Variants in ASTN2 observed in about 807,000 individuals in gnomAD.
ASTN2 encodes astrotactin 2.
In ASTN2, 54 loss-of-function variants were observed where a neutral mutation model predicts 139.8. The observed-to-expected ratio is 0.39, with a 90% CI of 0.31 to 0.48. ASTN2 has a LOEUF of 0.48. Among genes scored for constraint, ASTN2 ranks in the 20% least tolerant of loss-of-function variants. The pLI is 0.95. For missense variants in ASTN2, 1,565 were observed against 1,725.1 expected (o/e 0.91, Z 1.64); for synonymous variants, 756 against 719.5 (o/e 1.05, Z -0.81).
intron 2 of ASTN2, among the ~76,000 whole-genome samples, chr9:117,244,100 T>C (rs535167727): frequency 6.6e-6 from 1 of 152,282 alleles, no homozygotes; most frequent in South Asian, 2.1e-4. Context: ...CTTCACACAC[T>C]CATGCTCTCT....
intron 20 of ASTN2, among the ~76,000 whole-genome samples, chr9:116,475,913 T>C (rs117794649): frequency 5.3e-5 from 8 of 152,302 alleles, no homozygotes; most frequent in East Asian, 3.9e-4. Context: ...TGCTGCAGCG[T>C]TGTCTCTCGT....
intron 19 of ASTN2, among the ~76,000 whole-genome samples, chr9:116,501,970 C>T (rs1849871796): frequency 6.6e-6 from 1 of 151,992 alleles, no homozygotes. Flanking sequence ...GCATATCCCC[C>T]TCCCCACTCC....
rs1214846966 is a variant in ASTN2 at position 116,423,619 on chromosome 9, C to A, written c.*2232G>T. Among the ~76,000 whole-genome samples, 2 of 152,116 alleles carry A rather than the reference C, an allele frequency of 1.3e-5. No homozygotes were observed. The highest frequency in any genetic ancestry group is 2.9e-5 in the Non-Finnish European group (2 of 68,020). ...CCCAGGAAGTGGTATACATGAGAGG[C>A]ATTTAGAAGCTCCACCTGTATACTT... On this transcript the variant is annotated 3_prime_UTR_variant, in exon 23 of 23. Transcript: ENST00000313400.
chr9:117,269,821 T>C (rs1587895819), intron 2 of ASTN2, among the ~76,000 whole-genome samples: 1 of 152,334 alleles, frequency 6.6e-6, no homozygotes, highest in East Asian at 1.9e-4. Flanking sequence ...GCACTTAAAG[T>C]TGAACCAAGG....
At chr9:116,947,432 C>T (rs937244720) in intron 10 of ASTN2, among the ~76,000 whole-genome samples, 6 of 152,162 alleles carry the variant, frequency 3.9e-5, no homozygotes, top group Non-Finnish European at 8.8e-5. Flanking sequence ...GTGTAAACAA[C>T]TTTGATTTTC....
chr9:117,179,530 G>A (rs189416485), intron 3 of ASTN2, among the ~76,000 whole-genome samples: 2 of 152,284 alleles, frequency 1.3e-5, no homozygotes, highest in South Asian at 2.1e-4. Flanking sequence ...GAAGGGATTA[G>A]CAATATTCTT....
chr9:117,182,326 G>GACACAGAC (rs1554787971), intron 3 of ASTN2, among the ~76,000 whole-genome samples: 1 of 149,184 alleles, frequency 6.7e-6, no homozygotes, highest in Admixed American at 6.7e-5. Context: ...CACAGACACA[G>GACACAGAC]ACACACACAC....
intron 16 of ASTN2, among the ~76,000 whole-genome samples, chr9:116,652,309 G>A (rs906216996): frequency 1.3e-5 from 2 of 152,144 alleles, no homozygotes; most frequent in Non-Finnish European, 2.9e-5. Context: ...CTGGGCAAGA[G>A]AGCGAGATTC....
In ASTN2 at chr9:117,203,263, T is replaced by C. The variant is rs1831790692; in HGVS notation, c.1015+11095A>G. On this transcript the variant is annotated intron_variant, in intron 3 of 22. Transcript: ENST00000313400. ...ACCTCTTCTCAAGATTCTTAGCTTC[T>C]TTGCATTGTGTTAGAACATGCTCCT... is the stretch of plus-strand genomic sequence containing the variant. Among the ~76,000 whole-genome samples, 3 of 152,082 alleles carry C rather than the reference T, an allele frequency of 2.0e-5. 1 individual carries two copies. The highest frequency in any genetic ancestry group is 2.0e-4 in the Admixed American group (3 of 15,276).
At chr9:116,832,627 T>TTTC (rs1019405494) in intron 11 of ASTN2, among the ~76,000 whole-genome samples, 1 of 152,100 alleles carries the variant, frequency 6.6e-6, no homozygotes, top group South Asian at 2.1e-4. Flanking sequence ...TGATGTGATT[T>TTTC]TTCTTCTTCT....
chr9:116,865,506 G>A (rs2132344041), intron 10 of ASTN2, among the ~76,000 whole-genome samples: 1 of 149,804 alleles, frequency 6.7e-6, no homozygotes, highest in South Asian at 2.1e-4. Flanking sequence ...GATCTACAGT[G>A]CGGGTCTAAA....
chr9:116,746,668 T>A (rs1161664149), intron 13 of ASTN2, among the ~76,000 whole-genome samples: 3 of 152,194 alleles, frequency 2.0e-5, no homozygotes, highest in Admixed American at 6.5e-5. Context: ...TATTTTCAGT[T>A]TTCTTTTTCC....
At chr9:117,201,403 G>T (rs988861743) in intron 3 of ASTN2, among the ~76,000 whole-genome samples, 1 of 150,526 alleles carries the variant, frequency 6.6e-6, no homozygotes, top group Non-Finnish European at 1.5e-5. Flanking sequence ...TTTGCTCTTG[G>T]CTCTCTAGCT....
intron 1 of ASTN2, among the ~76,000 whole-genome samples, chr9:117,333,316 A>G (rs1249586241): frequency 6.6e-6 from 1 of 152,180 alleles, no homozygotes; most frequent in African/African-American, 2.4e-5. Flanking sequence ...GAGGAAATTG[A>G]GGGCCAGAGA....
intron 19 of ASTN2, among the ~76,000 whole-genome samples, chr9:116,510,396 G>A (rs1451113298): frequency 6.6e-6 from 1 of 152,148 alleles, no homozygotes; most frequent in Non-Finnish European, 1.5e-5. Context: ...TGCTGTTTTG[G>A]TTACTATAGC....
At chr9:117,245,716 C>T (rs1446421479) in intron 2 of ASTN2, among the ~76,000 whole-genome samples, 2 of 152,110 alleles carry the variant, frequency 1.3e-5, no homozygotes, top group South Asian at 2.1e-4. Context: ...ACCATAATCC[C>T]GAAACAGTCT....
At chr9:116,731,359 A>G (rs1828779506) in intron 14 of ASTN2, among the ~76,000 whole-genome samples, 1 of 151,878 alleles carries the variant, frequency 6.6e-6, no homozygotes. Context: ...CATGATCTTT[A>G]TTTCTCATTA....
At chr9:116,451,267 ATAAT>A (rs1848164135) in intron 20 of ASTN2, among the ~76,000 whole-genome samples, 1 of 152,220 alleles carries the variant, frequency 6.6e-6, no homozygotes, top group African/African-American at 2.4e-5. Flanking sequence ...GAACTCAGAA[ATAAT>A]TATAGTATTA....
intron 7 of ASTN2, among the ~76,000 whole-genome samples, chr9:117,003,963 T>TGTGTGTGTGTGC (rs1837281733): frequency 6.6e-6 from 1 of 151,112 alleles, no homozygotes; most frequent in African/African-American, 2.4e-5. Context: ...CGTGTGTGTG[T>TGTGTGTGTGTGC]GTGTGTGTGT....
Sources: gnomAD v4.1 joint callset for allele counts (sites outside exome capture counted in the v4.1 genomes callset) on GRCh38, gnomAD v4.1.1 for gene constraint, MANE v1.5 for transcripts, NCBI Gene and HGNC (gene_info 2026-07-23, HGNC 2026-07-21) for gene names.